MDM4: variants seen among roughly 807,000 people sequenced by gnomAD.
MDM4 encodes MDM4 regulator of p53.
In MDM4, 2 loss-of-function variants were observed where a neutral mutation model predicts 60.2. The ratio of observed to expected loss-of-function variants is 0.03; its 90% CI spans 0.01 to 0.10. MDM4 has a LOEUF of 0.10. MDM4 is among the 10% of genes least tolerant of loss of function. MDM4 has a pLI of 1.00. For synonymous variants in MDM4, 202 were observed against 198.1 expected, an observed-to-expected ratio of 1.02 and a Z score of -0.17; for missense variants, 447 against 577.5, an observed-to-expected ratio of 0.77 and a Z score of 2.32.
At chr1:204,519,764 T>C (rs1489800372) in intron 1 of MDM4, among the ~76,000 whole-genome samples, 1 of 151,986 alleles carries the variant, frequency 6.6e-6, no homozygotes, top group Non-Finnish European at 1.5e-5. Flanking sequence ...CAGTAAGCCA[T>C]GATCACGGCA....
chr1:204,531,099 A>G (rs1660810715), intron 4 of MDM4, among the ~76,000 whole-genome samples: 1 of 152,220 alleles, frequency 6.6e-6, no homozygotes, highest in Non-Finnish European at 1.5e-5. Context: ...GAAAAGAGAT[A>G]CATGAAGCAG....
At position 204,535,481 on chromosome 1, in the gene MDM4, G is replaced by A. The variant is rs150088762; in HGVS notation, c.344-1949G>A. 5.1e-3 allele frequency among the ~76,000 whole-genome samples: 767 copies of A among 151,554 alleles called. 5 individuals carry two copies. Among genetic ancestry groups the A allele is most frequent in the African/African-American group, 0.018 (725 of 41,290 alleles). On this transcript the variant is annotated intron_variant, in intron 5 of 10. Transcript: ENST00000367182. ...CTAAAATGGTAGTTCTTTCTAAATT[G>A]TCTCTCCAAATTTTCCCATGTATAC...
intron 5 of MDM4, among the ~76,000 whole-genome samples, chr1:204,535,596 C>T (rs1002544738): frequency 1.3e-5 from 2 of 151,732 alleles, no homozygotes; most frequent in East Asian, 2.0e-4. Context: ...TGCAGTGGTG[C>T]GATCTCGGCT....
chr1:204,529,195 G>C, intron 3 of MDM4: 1 of 768,816 alleles, frequency 1.3e-6, no homozygotes. Context: ...TATGTGGCCT[G>C]ATTAGGTCTT....
chr1:204,543,092 CTG>C (rs1662290534), intron 8 of MDM4, 148 bp downstream of exon 8: 1 of 654,706 alleles, frequency 1.5e-6, no homozygotes, highest in Non-Finnish European at 2.5e-6. Flanking sequence ...ATACCCAAAT[CTG>C]TATCTCTAGT....
chr1:204,532,619 C>G (rs180859160), intron 5 of MDM4: 1 of 666,928 alleles, frequency 1.5e-6, no homozygotes, highest in Non-Finnish European at 2.5e-6. Context: ...TATCATTTCC[C>G]CCAGTTATCT....
chr1:204,524,147 T>G (rs1659867923), intron 1 of MDM4, among the ~76,000 whole-genome samples: 1 of 152,162 alleles, frequency 6.6e-6, no homozygotes, highest in Non-Finnish European at 1.5e-5. Flanking sequence ...AGTTAAACTT[T>G]TAAAGTTTTA....
chr1:204,538,825 C>A (rs542702056), intron 7 of MDM4, among the ~76,000 whole-genome samples: 1 of 150,930 alleles, frequency 6.6e-6, no homozygotes, highest in South Asian at 2.1e-4. Flanking sequence ...TGTGCCTCAG[C>A]CTCCTGAGTA....
Position 204,537,443 on chromosome 1 carries a change from T to C in MDM4, c.357T>C (p.Thr119=). The C allele has an allele frequency of 6.2e-7, 1 of 1,613,626 alleles. No individual in the cohort carries two copies. ...LATATTDAAQ[T]LALAQDHSMD... ...CTTGCTATCCAGATGCTGCTCAGAC[T>C]CTCGCTCTCGCACAGGATCACAGTA... Residue 119 remains threonine (T), a synonymous_variant, in exon 6 of 11, where the codon ACT becomes ACC. Coordinates refer to ENST00000367182, the MANE Select transcript of MDM4 (RefSeq NM_002393.5).
At chr1:204,532,319 G>A in intron 5 of MDM4, 73 bp downstream of exon 5, 1 of 949,164 alleles carries the variant, frequency 1.1e-6, no homozygotes, top group Non-Finnish European at 1.7e-6. Context: ...GGAAAACAAA[G>A]AAGATGAAGG....
In MDM4 at chr1:204,554,495, G is replaced by C. The variant is rs1251011587; in HGVS notation, c.*4813G>C. On this transcript the variant is annotated 3_prime_UTR_variant, in exon 11 of 11. Transcript: ENST00000367182. Reference sequence around the variant, plus strand: ...ATGTTTTTAGAATCAAAGATGAACCGGTAAGCTGTCTCATGTACCAAACGT... The same window carrying C: ...ATGTTTTTAGAATCAAAGATGAACCCGTAAGCTGTCTCATGTACCAAACGT... 1.8e-5 allele frequency: 4 copies of C among 225,074 alleles called. No individual in the cohort carries two copies. Among genetic ancestry groups the C allele is most frequent in the African/African-American group, 8.9e-5 (4 of 45,028 alleles). The allele number at this position is 225,074 out of a possible 1,614,324, so 13.9% of individuals were successfully genotyped here.
At chr1:204,528,117 A>G (rs1660421805) in intron 3 of MDM4, among the ~76,000 whole-genome samples, 1 of 144,016 alleles carries the variant, frequency 6.9e-6, no homozygotes, top group African/African-American at 2.5e-5. Context: ...ATTGAAGCTT[A>G]CAATTTCACT....
At chr1:204,523,030 T>G (rs907249061) in intron 1 of MDM4, among the ~76,000 whole-genome samples, 6 of 151,880 alleles carry the variant, frequency 4.0e-5, no homozygotes, top group African/African-American at 1.4e-4. Context: ...GCTCGCCTAA[T>G]TTTTGGAGCT....
chr1:204,537,079 G>C, intron 5 of MDM4: 1 of 266,498 alleles, frequency 3.8e-6, no homozygotes, highest in East Asian at 1.0e-4. Context: ...GGCGAATTTG[G>C]TAATATATAG....
chr1:204,526,574 C>A (rs1328364811), intron 3 of MDM4, 140 bp downstream of exon 3: 2 of 603,116 alleles, frequency 3.3e-6, no homozygotes, highest in African/African-American at 3.8e-5. Context: ...CGCCATTCTC[C>A]TGCCTCAGCC....
intron 5 of MDM4, chr1:204,532,776 T>C: frequency 3.1e-6 from 5 of 1,610,386 alleles, no homozygotes; most frequent in Non-Finnish European, 4.2e-6. Flanking sequence ...AAGAAATGGG[T>C]CATTTGTTCT....
intron 4 of MDM4, 85 bp from the exon 5 acceptor site, chr1:204,532,106 A>G: frequency 1.2e-6 from 1 of 803,352 alleles, no homozygotes; most frequent in South Asian, 1.5e-5. Flanking sequence ...AACATCAGAA[A>G]TACATTTAAT....
rs149917223 is a variant in MDM4 at position 204,517,829 on chromosome 1, G to C, written c.-36+1320G>C. 3.5e-3 allele frequency among the ~76,000 whole-genome samples: 533 copies of C among 151,426 alleles called. 4 individuals are homozygous for C. The highest frequency in any genetic ancestry group is 5.1e-3 in the Non-Finnish European group (346 of 67,884). On this transcript the variant is annotated intron_variant, in intron 1 of 10. Transcript: ENST00000367182. Reference sequence around the variant, plus strand: ...TTAAGTATTACTGTATCTCAGTTTAGATTTAGTCTTCTCTCTCCTCATACA... The same window carrying C: ...TTAAGTATTACTGTATCTCAGTTTACATTTAGTCTTCTCTCTCCTCATACA...
intron 1 of MDM4, among the ~76,000 whole-genome samples, chr1:204,518,698 C>G (rs1461482562): frequency 6.6e-6 from 1 of 152,170 alleles, no homozygotes; most frequent in Non-Finnish European, 1.5e-5. Context: ...CTTTAGCATC[C>G]CCTACCCCTG....
Sources: gnomAD v4.1 joint callset for allele counts (sites outside exome capture counted in the v4.1 genomes callset) on GRCh38, gnomAD v4.1.1 for gene constraint, MANE v1.5 for transcripts, NCBI Gene and HGNC (gene_info 2026-07-23, HGNC 2026-07-21) for gene names.